Variants in SYN2 observed in about 807,000 individuals in gnomAD.
SYN2 encodes the protein synapsin II, also known as synapsin-2.
SYN2 carries 19 observed loss-of-function variants against 50.9 expected under a neutral mutation model. The ratio of observed to expected loss-of-function variants is 0.37; its 90% CI spans 0.26 to 0.55. The LOEUF is 0.55. Ranked by LOEUF, SYN2 falls within the 20% of genes least tolerant of loss-of-function variation. The pLI is 0.81. For missense variants in SYN2, 587 were observed against 576.4 expected (o/e 1.02, Z -0.19); for synonymous variants, 255 against 224.9 (o/e 1.13, Z -1.20).
At chr3:12,142,024 T>C (rs1457964728) in intron 3 of SYN2, 28 bp downstream of exon 3, 1 of 780,138 alleles carries the variant, frequency 1.3e-6, no homozygotes, top group Non-Finnish European at 2.4e-6. Context: ...CTCAGGATCA[T>C]TGTGACTGTC....
At chr3:12,051,408 GCT>G (rs1559400035) in intron 1 of SYN2, among the ~76,000 whole-genome samples, 1 of 151,330 alleles carries the variant, frequency 6.6e-6, no homozygotes, top group Admixed American at 6.6e-5. Flanking sequence ...GAGGCACAGA[GCT>G]ACTGCTGGTC....
chr3:12,068,314 T>G (rs1422339386), intron 1 of SYN2, among the ~76,000 whole-genome samples: 1 of 152,238 alleles, frequency 6.6e-6, no homozygotes, highest in Non-Finnish European at 1.5e-5. Flanking sequence ...CATTGCTCAG[T>G]TATCTTCCAG....
Position 12,150,397 on chromosome 3 carries a change from G to A in SYN2, c.685-840G>A, listed in dbSNP as rs182514485. Reference sequence around the variant, plus strand: ...TACTTGCAGGAATAAGGAGAGTTATGGATTGGAAATGAAGGGGCCTTGCTG... The same window carrying A: ...TACTTGCAGGAATAAGGAGAGTTATAGATTGGAAATGAAGGGGCCTTGCTG... On this transcript the variant is annotated intron_variant, in intron 4 of 12. Transcript: ENST00000621198. Among the ~76,000 whole-genome samples, 248 of 152,324 alleles carry A rather than the reference G, an allele frequency of 1.6e-3. 3 individuals carry two copies. Among genetic ancestry groups the A allele is most frequent in the Admixed American group, 0.013 (196 of 15,312 alleles).
intron 1 of SYN2, among the ~76,000 whole-genome samples, chr3:12,033,100 G>A (rs1447916246): frequency 6.6e-6 from 1 of 151,394 alleles, no homozygotes; most frequent in Non-Finnish European, 1.5e-5. Context: ...CCTTCTAACA[G>A]ACAGGACCCT....
intron 1 of SYN2, among the ~76,000 whole-genome samples, chr3:12,089,255 A>AG (rs1464884767): frequency 2.6e-5 from 4 of 152,216 alleles, no homozygotes; most frequent in African/African-American, 9.6e-5. Context: ...AAGGCAAAGG[A>AG]GGAGCAAAGG....
intron 10 of SYN2, among the ~76,000 whole-genome samples, chr3:12,181,331 G>A (rs182263823): frequency 3.9e-5 from 6 of 152,320 alleles, no homozygotes; most frequent in East Asian, 1.9e-4. Flanking sequence ...GAGCCAGTCC[G>A]GTAGCTTCAC....
chr3:12,067,824 G>C (rs1695252849), intron 1 of SYN2, among the ~76,000 whole-genome samples: 1 of 152,176 alleles, frequency 6.6e-6, no homozygotes, highest in African/African-American at 2.4e-5. Flanking sequence ...ACTTTGGAAG[G>C]CTGAGATGAT....
At chr3:12,186,708 T>G (rs1698347689) in intron 11 of SYN2, among the ~76,000 whole-genome samples, 1 of 152,194 alleles carries the variant, frequency 6.6e-6, no homozygotes, top group African/African-American at 2.4e-5. Context: ...CACGCAGGCT[T>G]GGAGCAGGAC....
In SYN2 at chr3:12,060,962, G is replaced by A. The variant is rs1375918442; in HGVS notation, c.377+56034G>A. ...CAAGCAGGACATTTAAAGTAACTAC[G>A]ATTAATATGGTAAACGCTCTGATGG... On this transcript the variant is annotated intron_variant, in intron 1 of 12. Transcript: ENST00000621198. Among the ~76,000 whole-genome samples the A allele has an allele frequency of 2.6e-5, 4 of 152,112 alleles. 1 individual carries two copies. The highest frequency in any genetic ancestry group is 4.1e-4 in the South Asian group (2 of 4,828).
At chr3:12,132,014 C>CTTTTCT (rs1696805970) in intron 1 of SYN2, among the ~76,000 whole-genome samples, 1 of 148,682 alleles carries the variant, frequency 6.7e-6, no homozygotes, top group Non-Finnish European at 1.5e-5. Context: ...TTTTTCCTTT[C>CTTTTCT]TTTTCTTTTT....
chr3:12,081,140 A>G (rs1559412139), intron 1 of SYN2, among the ~76,000 whole-genome samples: 1 of 152,226 alleles, frequency 6.6e-6, no homozygotes, highest in Non-Finnish European at 1.5e-5. Context: ...TTAACCTCGT[A>G]TAGTGCTGGG....
At chr3:12,116,905 A>G (rs1479791205) in intron 1 of SYN2, among the ~76,000 whole-genome samples, 1 of 152,014 alleles carries the variant, frequency 6.6e-6, no homozygotes, top group African/African-American at 2.4e-5. Context: ...CATGCACACC[A>G]TGCCCAGCTA....
intron 1 of SYN2, among the ~76,000 whole-genome samples, chr3:12,103,974 T>C (rs1245129688): frequency 6.6e-6 from 1 of 151,998 alleles, no homozygotes. Flanking sequence ...AAATAACATA[T>C]AAAACACAGA....
intron 1 of SYN2, among the ~76,000 whole-genome samples, chr3:12,074,411 G>C (rs1019535088): frequency 2.6e-5 from 4 of 151,908 alleles, no homozygotes; most frequent in Non-Finnish European, 5.9e-5. Flanking sequence ...CCTTCTACCA[G>C]ATTGCAAGCC....
At chr3:12,122,990 G>A (rs867538631) in intron 1 of SYN2, among the ~76,000 whole-genome samples, 2 of 152,092 alleles carry the variant, frequency 1.3e-5, no homozygotes, top group Admixed American at 6.6e-5. Flanking sequence ...ATAAACAGTA[G>A]ATCAGACATT....
Position 12,153,060 on chromosome 3 carries a change from A to C in SYN2, c.774+1734A>C, listed in dbSNP as rs562742388. 2.0e-3 allele frequency: 470 copies of C among 233,010 alleles called. 5 individuals carry two copies. Among genetic ancestry groups the C allele is most frequent in the Non-Finnish European group, 1.4e-3 (165 of 114,546 alleles). The allele number at this position is 233,010 out of a possible 1,614,324, so 14.4% of individuals were successfully genotyped here. A position where few individuals can be genotyped will look rare whatever the true frequency, so the allele number is the denominator to read the frequency against. Reference sequence around the variant, plus strand: ...CAGGGGAAGTAGAGGATACACAGCCACAGTATGTTCTTGTTTTCATTCCTG... The same window carrying C: ...CAGGGGAAGTAGAGGATACACAGCCCCAGTATGTTCTTGTTTTCATTCCTG... On this transcript the variant is annotated intron_variant, in intron 5 of 12. Coordinates refer to ENST00000621198, the MANE Select transcript of SYN2 (RefSeq NM_133625.6).
At position 12,190,899 on chromosome 3, in the gene SYN2, G is replaced by A; in HGVS notation, c.*274G>A. Reference sequence around the variant, plus strand: ...CTTCCTTCTGAAGTCATCGTTCGCTGTGAGTTTAGTGGCCTTATTGTGACA... The same window carrying A: ...CTTCCTTCTGAAGTCATCGTTCGCTATGAGTTTAGTGGCCTTATTGTGACA... On this transcript the variant is annotated 3_prime_UTR_variant, in exon 13 of 13. Transcript: ENST00000621198. 4.2e-6 allele frequency: 5 copies of A among 1,186,864 alleles called. No homozygotes were observed. The highest frequency in any genetic ancestry group is 5.2e-6 in the Non-Finnish European group (5 of 957,438). The allele number at this position is 1,186,864 out of a possible 1,614,324, so 73.5% of individuals were successfully genotyped here.
intron 4 of SYN2, among the ~76,000 whole-genome samples, chr3:12,147,230 A>G (rs1188503879): frequency 6.6e-6 from 1 of 152,020 alleles, no homozygotes; most frequent in Admixed American, 6.6e-5. Context: ...TGTGTGTGTT[A>G]ACCAAACAGA....
chr3:12,188,741 A>G (rs1439208103), intron 12 of SYN2, among the ~76,000 whole-genome samples: 1 of 151,592 alleles, frequency 6.6e-6, no homozygotes, highest in Non-Finnish European at 1.5e-5. Context: ...GGCATCACCC[A>G]CTCTTGCTCC....
Sources: gnomAD v4.1 joint callset for allele counts (sites outside exome capture counted in the v4.1 genomes callset) on GRCh38, gnomAD v4.1.1 for gene constraint, MANE v1.5 for transcripts, NCBI Gene and HGNC (gene_info 2026-07-23, HGNC 2026-07-21) for gene names.